Variants in NUP210 observed in about 807,000 individuals in gnomAD.
NUP210 encodes the protein nuclear pore membrane glycoprotein 210.
In NUP210, 151 loss-of-function variants were observed where a neutral mutation model predicts 196.0. That is an observed-to-expected ratio of 0.77 (90% confidence interval 0.67 to 0.88). NUP210 has a LOEUF of 0.88. Among genes scored for constraint, NUP210 ranks in the 40% least tolerant of loss-of-function variants. NUP210 has a pLI of 0.00. For synonymous variants in NUP210, 1,070 were observed against 1,052.7 expected (o/e 1.02, Z -0.32); for missense variants, 2,314 against 2,493.7 (o/e 0.93, Z 1.53).
rs1191039389 is a variant in NUP210 at position 13,335,582 on chromosome 3, AG to A, written c.3714del (p.Phe1239LeufsTer3). 1.9e-6 allele frequency: 3 copies of A among 1,613,946 alleles called. No individual in the cohort carries two copies. Among genetic ancestry groups the A allele is most frequent in the Non-Finnish European group, 2.5e-6 (3 of 1,180,026 alleles). ...ACCCGGCCGAGCACGTTCATGGCAA[AG>A]TTGTACTGTGACGGGAGTCGGATCG... Reference protein sequence around the residue: ...EASIRLPSQYNFAMNVLGRVK... With the variant: ...EASIRLPSQYXFAMNVLGRVK... On this transcript the variant is annotated frameshift_variant, in exon 28 of 40. Coordinates refer to ENST00000254508, the MANE Select transcript of NUP210 (RefSeq NM_024923.4). LOFTEE classifies it high-confidence loss of function.
chr3:13,329,421 C>T (rs1168898676), intron 30 of NUP210, among the ~76,000 whole-genome samples: 1 of 152,236 alleles, frequency 6.6e-6, no homozygotes, highest in African/African-American at 2.4e-5. Context: ...GCTCCATAAA[C>T]AGCAGCCCTT....
intron 15 of NUP210, 82 bp downstream of exon 15, chr3:13,360,188 G>A: frequency 8.4e-7 from 1 of 1,189,722 alleles, no homozygotes; most frequent in Non-Finnish European, 1.2e-6. Flanking sequence ...GTTACTCCAA[G>A]GAGTAAATAA....
At chr3:13,337,031 T>A (rs1697245145) in intron 26 of NUP210, 113 bp from the exon 27 acceptor site, 2 of 1,309,588 alleles carry the variant, frequency 1.5e-6, no homozygotes, top group African/African-American at 2.9e-5. Flanking sequence ...CCTCCCCAAC[T>A]AGAGAAGAGC....
Position 13,348,338 on chromosome 3 carries a change from C to A in NUP210, c.2835+3541G>T, listed in dbSNP as rs78812396. On this transcript the variant is annotated intron_variant, in intron 20 of 39. Coordinates refer to ENST00000254508, the MANE Select transcript of NUP210 (RefSeq NM_024923.4). This position sits in a 1 kb window ranked among gnomAD's most constrained non-coding sequence, Gnocchi z 4.0. Reference sequence around the variant, plus strand: ...CTAGTCCATCACCGACCTCTAGGAACTCTTGTTCTTGGAGTAAAGGTCTCC... The same window carrying A: ...CTAGTCCATCACCGACCTCTAGGAAATCTTGTTCTTGGAGTAAAGGTCTCC... 2.1e-3 allele frequency: 2,093 copies of A among 981,518 alleles called. 17 individuals carry two copies. Among genetic ancestry groups the A allele is most frequent in the South Asian group, 0.019 (396 of 21,196 alleles). The allele number at this position is 981,518 out of a possible 1,614,324, so 60.8% of individuals were successfully genotyped here.
At chr3:13,364,257 C>T (rs1181649428) in intron 14 of NUP210, among the ~76,000 whole-genome samples, 1 of 152,136 alleles carries the variant, frequency 6.6e-6, no homozygotes, top group African/African-American at 2.4e-5. Flanking sequence ...AACTCTAGGG[C>T]CTGCAGAAGG....
chr3:13,378,449 AC>A (rs1698993498), intron 8 of NUP210, among the ~76,000 whole-genome samples: 1 of 152,196 alleles, frequency 6.6e-6, no homozygotes, highest in Non-Finnish European at 1.5e-5. Flanking sequence ...CTGCCAGGAC[AC>A]CTTCCCGCAA....
At chr3:13,377,042 G>A (rs1035992871) in intron 9 of NUP210, among the ~76,000 whole-genome samples, 42 of 152,180 alleles carry the variant, frequency 2.8e-4, no homozygotes, top group Admixed American at 4.6e-4. Context: ...AGGGTTCCAG[G>A]TATTTCTGGA....
chr3:13,329,040 C>A lies in NUP210; in HGVS notation c.4111-94G>T, dbSNP rs922983056. On this transcript the variant is annotated intron_variant, in intron 30 of 39. Coordinates refer to ENST00000254508, the MANE Select transcript of NUP210 (RefSeq NM_024923.4). ...CCAAGGAGGGGACACCTGCCCCCAG[C>A]AGGATCCACCTCAGGAACAATGCAG... 4 of 1,054,654 alleles carry A rather than the reference C, an allele frequency of 3.8e-6. No individual in the cohort carries two copies. In the Admixed American group the frequency reaches 8.4e-5, roughly 22 times the overall value. 65.3% of individuals were successfully genotyped at this position (1,054,654 alleles called of 1,614,324 possible).
At position 13,340,308 on chromosome 3, in the gene NUP210, GAC is replaced by G. The variant is rs1426834812; in HGVS notation, c.3229-12_3229-11del. The G allele has an allele frequency of 6.2e-7, 1 of 1,612,814 alleles. No individual in the cohort carries two copies. The highest frequency in any genetic ancestry group is 1.3e-5 in the African/African-American group (1 of 74,920). ...TGAACGGGGGAAAGACCTGTTGAGA[GAC>G]ACAGGAGAGAAAGGACTACTGTGCC... On this transcript the variant is annotated splice_polypyrimidine_tract_variant and intron_variant, in intron 23 of 39. Transcript: ENST00000254508. This position sits in a 1 kb window ranked among gnomAD's most constrained non-coding sequence, Gnocchi z 4.0.
chr3:13,318,962 C>A (rs1696386990), intron 39 of NUP210, 110 bp downstream of exon 39: 2 of 1,098,368 alleles, frequency 1.8e-6, no homozygotes, highest in African/African-American at 3.2e-5. Context: ...CTCCTTTGGC[C>A]CAGGCAAGGG....
chr3:13,383,873 G>GCTCT (rs1234263015), intron 6 of NUP210, among the ~76,000 whole-genome samples: 1 of 151,972 alleles, frequency 6.6e-6, no homozygotes, highest in Non-Finnish European at 1.5e-5. Flanking sequence ...AACTACATGG[G>GCTCT]CTCTGCTTGC....
At chr3:13,387,500 C>T (rs1699314537) in intron 5 of NUP210, among the ~76,000 whole-genome samples, 1 of 152,210 alleles carries the variant, frequency 6.6e-6, no homozygotes, top group Admixed American at 6.5e-5. Context: ...AGGGCATGTC[C>T]CCATGTTTCC....
chr3:13,384,084 T>C (rs1699191827), intron 6 of NUP210, among the ~76,000 whole-genome samples: 1 of 152,224 alleles, frequency 6.6e-6, no homozygotes, highest in African/African-American at 2.4e-5. Flanking sequence ...TGTCTCAGCC[T>C]CTTGAGTAGC....
chr3:13,411,332 A>G (rs1311728646), intron 1 of NUP210, among the ~76,000 whole-genome samples: 3 of 152,220 alleles, frequency 2.0e-5, no homozygotes, highest in Non-Finnish European at 2.9e-5. Flanking sequence ...CAGGCATCTG[A>G]GAGTGAGTGT....
chr3:13,318,858 T>C (rs761099143), intron 39 of NUP210, among the ~76,000 whole-genome samples: 1 of 152,190 alleles, frequency 6.6e-6, no homozygotes, highest in Non-Finnish European at 1.5e-5. Flanking sequence ...CCACCCAGCA[T>C]GGCTCTACCT....
At chr3:13,394,171 A>T (rs1339452703) in intron 3 of NUP210, among the ~76,000 whole-genome samples, 2 of 152,166 alleles carry the variant, frequency 1.3e-5, no homozygotes, top group Non-Finnish European at 2.9e-5. Flanking sequence ...GCAATGCCAG[A>T]GGAAGCATGG....
chr3:13,383,262 ATC>A (rs1699161061), intron 6 of NUP210, among the ~76,000 whole-genome samples: 1 of 152,202 alleles, frequency 6.6e-6, no homozygotes, highest in Non-Finnish European at 1.5e-5. Context: ...TCCATCTGGA[ATC>A]TACTGCAGTA....
chr3:13,405,498 G>A (rs541860523), intron 1 of NUP210, among the ~76,000 whole-genome samples: 4 of 151,690 alleles, frequency 2.6e-5, no homozygotes, highest in South Asian at 2.1e-4. Context: ...CATATGAGGG[G>A]GTGTGTGTAT....
chr3:13,395,047 G>C (rs2124941091), intron 3 of NUP210, among the ~76,000 whole-genome samples: 1 of 152,278 alleles, frequency 6.6e-6, no homozygotes, highest in South Asian at 2.1e-4. Flanking sequence ...GACCCAGTCT[G>C]TGGAGACCAG....
Sources: allele counts gnomAD v4.1 joint callset (sites outside exome capture counted in the v4.1 genomes callset), GRCh38; gene constraint gnomAD v4.1.1; non-coding constraint Gnocchi (gnomAD v3.1); transcripts MANE v1.5; gene names NCBI Gene and HGNC (gene_info 2026-07-23, HGNC 2026-07-21).